Variants in CNNM1 observed in about 807,000 individuals in gnomAD.
CNNM1 encodes metal transporter CNNM1.
Under a neutral mutation model 78.8 loss-of-function variants are expected in CNNM1, and 44 were observed. The observed-to-expected ratio is 0.56, with a 90% confidence interval of 0.44 to 0.72. CNNM1 has a LOEUF of 0.72. CNNM1 is among the 30% of genes least tolerant of loss of function. The pLI is 0.00. For missense variants in CNNM1, 1,101 were observed against 1,292.2 expected, an observed-to-expected ratio of 0.85 and a Z score of 2.27; for synonymous variants, 584 against 581.5, an observed-to-expected ratio of 1.00 and a Z score of -0.06.
At chr10:99,368,280 A>G (rs1261105929) in intron 6 of CNNM1, 3 of 254,734 alleles carry the variant, frequency 1.2e-5, no homozygotes, top group Non-Finnish European at 2.4e-5. Flanking sequence ...GGCTCCCAGC[A>G]TGTTTGCTGG....
intron 7 of CNNM1, among the ~76,000 whole-genome samples, chr10:99,380,957 C>T (rs759525408): frequency 3.3e-5 from 5 of 152,094 alleles, no homozygotes; most frequent in Non-Finnish European, 5.9e-5. Context: ...GGTCAGTTCT[C>T]GGGTGTAGGT....
intron 7 of CNNM1, among the ~76,000 whole-genome samples, chr10:99,383,331 T>G (rs2032212574): frequency 1.3e-5 from 2 of 152,144 alleles, no homozygotes; most frequent in Admixed American, 1.3e-4. Context: ...CCTCACTGAG[T>G]TCAACTCAGT....
At chr10:99,388,113 T>G in intron 8 of CNNM1, 39 bp from the exon 9 acceptor site, 1 of 1,611,418 alleles carries the variant, frequency 6.2e-7, no homozygotes, top group Non-Finnish European at 8.5e-7. Flanking sequence ...CTGGGTCTTC[T>G]CCAAAGCAGA....
intron 7 of CNNM1, among the ~76,000 whole-genome samples, chr10:99,381,870 C>CT (rs147426909): frequency 0.01 from 1,485 of 146,384 alleles, 16 homozygotes; most frequent in African/African-American, 0.033. Flanking sequence ...TTTCTCTTTT[C>CT]TTTTTTTTTT....
chr10:99,380,156 C>T (rs1215004155), intron 7 of CNNM1, among the ~76,000 whole-genome samples: 2 of 151,824 alleles, frequency 1.3e-5, no homozygotes, highest in Admixed American at 1.3e-4. Flanking sequence ...GGGCACTAAT[C>T]CCATTCATGA....
chr10:99,375,852 G>T (rs1303648599), intron 6 of CNNM1, among the ~76,000 whole-genome samples: 1 of 152,196 alleles, frequency 6.6e-6, no homozygotes, highest in Non-Finnish European at 1.5e-5. Flanking sequence ...AGGATTGGGG[G>T]AGCTTTGCAG....
rs2032358150 is a variant in CNNM1, at chr10:99,387,970, A to G, written c.2491A>G (p.Ile831Val). 6.3e-7 allele frequency: 1 copy of G among 1,599,966 alleles called. No individual in the cohort carries two copies. The highest frequency in any genetic ancestry group is 8.5e-7 in the Non-Finnish European group (1 of 1,173,414). The change falls in exon 8 of 11, where the codon ATC (isoleucine) becomes GTC (valine). Residue 831 changes from isoleucine to valine, a missense_variant. By Grantham distance (29) the Ile-to-Val change is conservative (BLOSUM62 3). Around this residue, in one of 3 missense-constraint regions of CNNM1, gnomAD observed 348 missense variants for 384.5 expected, o/e 0.90. Transcript: ENST00000356713. ...TPQTPKDDPA[I>V]TLLNNRNSLP... ...CCAGACCCCTAAGGATGACCCCGCC[A>G]TCACGCTCCTCAACAACAGGAACAG...
chr10:99,343,378 T>C (rs2030541877), intron 1 of CNNM1, among the ~76,000 whole-genome samples: 1 of 152,260 alleles, frequency 6.6e-6, no homozygotes, highest in African/African-American at 2.4e-5. Flanking sequence ...CAAATGTTTT[T>C]TAATGACCAT....
Position 99,329,823 on chromosome 10 carries a change from C to T in CNNM1, c.436C>T (p.Leu146=). 2 of 1,438,586 alleles carry T rather than the reference C, an allele frequency of 1.4e-6. No individual in the cohort carries two copies. Among genetic ancestry groups the T allele is most frequent in the Non-Finnish European group, 1.8e-6 (2 of 1,101,554 alleles). 89.1% of individuals were successfully genotyped at this position (1,438,586 alleles called of 1,614,324 possible). A position where few individuals can be genotyped will look rare whatever the true frequency, so the allele number is the denominator to read the frequency against. ...QSDWASDVEV[L]GPLRPGGVAG... is the part of the protein sequence containing the mutation. ...CGACTGGGCATCGGACGTGGAAGTC[C>T]TGGGGCCCTTGCGTCCCGGGGGCGT... Residue 146 remains leucine (L), a synonymous_variant, in exon 1 of 11, where the codon CTG becomes TTG. Coordinates refer to ENST00000356713, the MANE Select transcript of CNNM1 (RefSeq NM_020348.3).
At chr10:99,376,960 C>A in intron 6 of CNNM1, 95 bp from the exon 7 acceptor site, 2 of 1,227,376 alleles carry the variant, frequency 1.6e-6, no homozygotes, top group South Asian at 1.5e-5. Context: ...CAGTAAACAA[C>A]ACCTGTCTCT....
At chr10:99,368,659 G>A (rs1033032118) in intron 6 of CNNM1, 1 of 1,289,556 alleles carries the variant, frequency 7.8e-7, no homozygotes, top group Non-Finnish European at 1.0e-6. Flanking sequence ...CAGCAGAGGG[G>A]ACTCTCTGGC....
At chr10:99,344,159 C>G (rs1028904620) in intron 1 of CNNM1, among the ~76,000 whole-genome samples, 2 of 151,292 alleles carry the variant, frequency 1.3e-5, no homozygotes, top group African/African-American at 4.8e-5. Context: ...ATGGTGAAAC[C>G]CCGTCTCTAC....
chr10:99,345,267 G>A (rs1351732193), intron 1 of CNNM1, among the ~76,000 whole-genome samples: 1 of 152,190 alleles, frequency 6.6e-6, no homozygotes, highest in East Asian at 1.9e-4. Context: ...AGGAAATGGA[G>A]TCTCAGGATT....
At chr10:99,365,548 G>A (rs919765414) in intron 6 of CNNM1, among the ~76,000 whole-genome samples, 2 of 152,202 alleles carry the variant, frequency 1.3e-5, no homozygotes. Flanking sequence ...GCATGCTGTT[G>A]GTGGGGGGCA....
intron 4 of CNNM1, among the ~76,000 whole-genome samples, chr10:99,363,740 C>CTTTTTT (rs869281521): frequency 3.3e-5 from 4 of 121,924 alleles, no homozygotes; most frequent in Non-Finnish European, 5.1e-5. Context: ...TAGATTTTAT[C>CTTTTTT]TTTTTTTTTT....
chr10:99,338,973 C>T (rs1330279911), intron 1 of CNNM1, among the ~76,000 whole-genome samples: 1 of 152,152 alleles, frequency 6.6e-6, no homozygotes, highest in Non-Finnish European at 1.5e-5. Context: ...ATTTACTACT[C>T]TATTATTGGA....
At chr10:99,367,994 CACAA>C (rs2031681181) in intron 6 of CNNM1, among the ~76,000 whole-genome samples, 1 of 152,196 alleles carries the variant, frequency 6.6e-6, no homozygotes, top group African/African-American at 2.4e-5. Context: ...TGGTACTTAC[CACAA>C]AGTGGCTTTG....
intron 6 of CNNM1, among the ~76,000 whole-genome samples, chr10:99,367,993 C>G (rs182463450): frequency 1.2e-3 from 179 of 152,316 alleles, no homozygotes; most frequent in African/African-American, 4.1e-3. Flanking sequence ...CTGGTACTTA[C>G]CACAAAGTGG....
rs879340914 is a variant in CNNM1, at chr10:99,366,475, TA to T, written c.2176+1488del. Among the ~76,000 whole-genome samples the T allele has an allele frequency of 4.2e-3, 579 of 137,568 alleles. 1 individual carries two copies. The highest frequency in any genetic ancestry group is 4.2e-3 in the Admixed American group (57 of 13,702). The allele number at this position is 137,568 out of a possible 152,430, so 90.2% of individuals were successfully genotyped here. ...ACCCAATTTATATGACCTTCTTTCTTAAAAAAAAAAAAAAAGAAATTGCTGT... is the reference window on the plus strand; with the variant it reads ...ACCCAATTTATATGACCTTCTTTCTTAAAAAAAAAAAAAAGAAATTGCTGT... On this transcript the variant is annotated intron_variant, in intron 6 of 10. Transcript: ENST00000356713.
Sources: allele counts gnomAD v4.1 joint callset (sites outside exome capture counted in the v4.1 genomes callset), GRCh38; gene constraint gnomAD v4.1.1; regional missense constraint gnomAD v4.1.1; transcripts MANE v1.5; gene names NCBI Gene and HGNC (gene_info 2026-07-23, HGNC 2026-07-21).